Variants in SAMTOR observed in about 807,000 individuals in gnomAD.
The protein encoded by SAMTOR is S-adenosylmethionine sensor upstream of mTORC1.
chr7:112,835,964 A>T, the SAMTOR span, among the ~76,000 whole-genome samples: 1 of 152,004 alleles, frequency 6.6e-6, no homozygotes, highest in African/African-American at 2.4e-5. Flanking sequence ...ATGTGTCTTT[A>T]TTGTAGAATG....
the SAMTOR span, among the ~76,000 whole-genome samples, chr7:112,853,918 G>A: frequency 1.3e-5 from 2 of 152,114 alleles, no homozygotes; most frequent in South Asian, 2.1e-4. Context: ...TTTCTATTTC[G>A]TATCTTTTAG....
At chr7:112,867,088 C>A in the SAMTOR span, among the ~76,000 whole-genome samples, 47 of 152,280 alleles carry the variant, frequency 3.1e-4, no homozygotes, top group East Asian at 9.1e-3. Flanking sequence ...CACAATACAG[C>A]CAAAATGTTT....
the SAMTOR span, among the ~76,000 whole-genome samples, chr7:112,886,686 C>T: frequency 6.6e-6 from 1 of 152,168 alleles, no homozygotes; most frequent in Non-Finnish European, 1.5e-5. Flanking sequence ...TTGGGGAAAA[C>T]TAACACTGGC....
the SAMTOR span, among the ~76,000 whole-genome samples, chr7:112,918,575 G>A: frequency 0.031 from 4,666 of 151,958 alleles, 124 homozygotes; most frequent in African/African-American, 0.07. Flanking sequence ...TCATAATGAC[G>A]GGATCAAATT....
the SAMTOR span, among the ~76,000 whole-genome samples, chr7:112,850,116 G>A: frequency 1.3e-5 from 2 of 152,136 alleles, no homozygotes; most frequent in Non-Finnish European, 2.9e-5. Context: ...TGAGGGAATC[G>A]CTTGGACCCG....
the SAMTOR span, among the ~76,000 whole-genome samples, chr7:112,898,787 G>A: frequency 7.2e-5 from 11 of 152,202 alleles, no homozygotes; most frequent in African/African-American, 2.7e-4. Context: ...GATTTTGCCT[G>A]GGAACCCAGC....
the SAMTOR span, among the ~76,000 whole-genome samples, chr7:112,885,170 G>A: frequency 6.6e-6 from 1 of 152,258 alleles, no homozygotes; most frequent in Admixed American, 6.5e-5. Context: ...ACAGGGCAGG[G>A]GGGGCCCTGG....
At chr7:112,897,975 C>G in the SAMTOR span, among the ~76,000 whole-genome samples, 1 of 152,190 alleles carries the variant, frequency 6.6e-6, no homozygotes, top group Non-Finnish European at 1.5e-5. Flanking sequence ...CAGTACACCC[C>G]AGAGAGATAA....
chr7:112,888,533 T>C, the SAMTOR span, among the ~76,000 whole-genome samples: 5 of 152,234 alleles, frequency 3.3e-5, no homozygotes, highest in South Asian at 6.2e-4. Context: ...AATCATGTTA[T>C]ACACATATTC....
chr7:112,853,125 T>C, the SAMTOR span, among the ~76,000 whole-genome samples: 2 of 152,180 alleles, frequency 1.3e-5, no homozygotes, highest in Non-Finnish European at 2.9e-5. Flanking sequence ...TACTTTGAAA[T>C]GTTCATTTAT....
the SAMTOR span, among the ~76,000 whole-genome samples, chr7:112,917,635 C>T: frequency 1.2e-4 from 19 of 152,036 alleles, no homozygotes; most frequent in African/African-American, 1.9e-4. Flanking sequence ...AGGCTTCAGA[C>T]GATCAAACTA....
chr7:112,847,140 T>A, the SAMTOR span, among the ~76,000 whole-genome samples: 1 of 152,210 alleles, frequency 6.6e-6, no homozygotes, highest in African/African-American at 2.4e-5. Context: ...CTAATCCTTA[T>A]GCAAATTCTC....
the SAMTOR span, among the ~76,000 whole-genome samples, chr7:112,893,597 T>C: frequency 1.5e-4 from 23 of 152,246 alleles, no homozygotes; most frequent in Non-Finnish European, 2.6e-4. Flanking sequence ...TTGTTTTACT[T>C]TCTTCTCATT....
chr7:112,832,506 T>C, the SAMTOR span: 13 of 1,013,226 alleles, frequency 1.3e-5, no homozygotes, highest in East Asian at 3.1e-4. Context: ...ACAGTGCTTT[T>C]CTTTTGTAAA....
chr7:112,937,254 A>C, the SAMTOR span, among the ~76,000 whole-genome samples: 1 of 152,216 alleles, frequency 6.6e-6, no homozygotes, highest in African/African-American at 2.4e-5. Flanking sequence ...TAAAACTCCA[A>C]GATCCTAAGC....
chr7:112,873,337 T>C, the SAMTOR span, among the ~76,000 whole-genome samples: 4 of 152,108 alleles, frequency 2.6e-5, no homozygotes, highest in African/African-American at 9.7e-5. Flanking sequence ...GGCTACAGTA[T>C]GCAAAATAGC....
At chr7:112,850,077 A>C in the SAMTOR span, among the ~76,000 whole-genome samples, 1 of 152,180 alleles carries the variant, frequency 6.6e-6, no homozygotes, top group East Asian at 1.9e-4. Context: ...GTGGTGGTGC[A>C]TGCCTGTAAT....
chr7:112,843,731 C>G, the SAMTOR span, among the ~76,000 whole-genome samples: 3 of 151,908 alleles, frequency 2.0e-5, no homozygotes. Context: ...AGAGCTGGTA[C>G]CACTCCTACT....
the SAMTOR span, among the ~76,000 whole-genome samples, chr7:112,853,285 T>G: frequency 1.3e-5 from 2 of 152,118 alleles, no homozygotes; most frequent in South Asian, 4.1e-4. Flanking sequence ...GGAAATACCC[T>G]TGGTATATAT....
Sources: gnomAD v4.1 joint callset for allele counts (sites outside exome capture counted in the v4.1 genomes callset) on GRCh38, gnomAD v4.1.1 for gene constraint, MANE v1.5 for transcripts, NCBI Gene and HGNC (gene_info 2026-07-23, HGNC 2026-07-21) for gene names.